Variants in PSEN1 observed in about 807,000 individuals in gnomAD.
PSEN1 encodes presenilin 1.
In PSEN1, 15 loss-of-function variants were observed where a neutral mutation model predicts 53.5. That is an observed-to-expected ratio of 0.28 (90% confidence interval 0.19 to 0.43). PSEN1 has a LOEUF of 0.43. PSEN1 is among the 20% of genes least tolerant of loss of function. PSEN1 has a pLI of 1.00. For missense variants in PSEN1, 387 were observed against 571.2 expected, an observed-to-expected ratio of 0.68 and a Z score of 3.29; for synonymous variants, 208 against 209.8, an observed-to-expected ratio of 0.99 and a Z score of 0.08.
chr14:73,210,223 C>A (rs1899623227), intron 9 of PSEN1, among the ~76,000 whole-genome samples: 2 of 152,140 alleles, frequency 1.3e-5, no homozygotes. Flanking sequence ...ATATAAAATT[C>A]ATCAGTGGAA....
Position 73,174,065 on chromosome 14 carries a change from A to G in PSEN1, c.480+358A>G, listed in dbSNP as rs549699559. The G allele has an allele frequency of 5.0e-5, 18 of 358,218 alleles. No individual in the cohort carries two copies. The South Asian group carries it at 1.1e-3, about 21-fold the overall frequency. 22.2% of individuals were successfully genotyped at this position (358,218 alleles called of 1,614,324 possible). On this transcript the variant is annotated intron_variant, in intron 5 of 11. Coordinates refer to ENST00000324501, the MANE Select transcript of PSEN1 (RefSeq NM_000021.4). Reference sequence around the variant, plus strand: ...TGTCATGAAAAAATTAGTGTAAAATATATATATTATGATTAGTTATCAAGA... The same window carrying G: ...TGTCATGAAAAAATTAGTGTAAAATGTATATATTATGATTAGTTATCAAGA...
chr14:73,212,774 T>C (rs1899755946), intron 10 of PSEN1, among the ~76,000 whole-genome samples: 1 of 152,222 alleles, frequency 6.6e-6, no homozygotes, highest in Non-Finnish European at 1.5e-5. Flanking sequence ...CTAAAGCCCT[T>C]TGGTTAGGGC....
chr14:73,198,805 T>G (rs907943538), intron 8 of PSEN1, among the ~76,000 whole-genome samples: 1 of 152,154 alleles, frequency 6.6e-6, no homozygotes, highest in Admixed American at 6.6e-5. Context: ...AGATAGGGTC[T>G]CACTCCCATC....
intron 8 of PSEN1, among the ~76,000 whole-genome samples, chr14:73,200,904 A>C (rs1375729429): frequency 6.6e-6 from 1 of 151,914 alleles, no homozygotes; most frequent in African/African-American, 2.4e-5. Flanking sequence ...TATAAAAATC[A>C]GCTGGGTGTG....
intron 5 of PSEN1, among the ~76,000 whole-genome samples, chr14:73,180,142 G>A (rs191630738): frequency 6.6e-6 from 1 of 152,038 alleles, no homozygotes. Flanking sequence ...ACGCCACCAT[G>A]CCTGGGTAAT....
chr14:73,139,550 A>G (rs953052183), intron 1 of PSEN1, among the ~76,000 whole-genome samples: 5 of 152,182 alleles, frequency 3.3e-5, no homozygotes, highest in East Asian at 1.9e-4. Context: ...ACTGCACTCC[A>G]GACTGGGCTA....
At chr14:73,191,109 G>A (rs193122053) in intron 6 of PSEN1, among the ~76,000 whole-genome samples, 4 of 152,156 alleles carry the variant, frequency 2.6e-5, no homozygotes, top group Admixed American at 2.6e-4. Flanking sequence ...AATTAAAATA[G>A]CATTTTCTTC....
In PSEN1 at chr14:73,168,374, CAAA is replaced by C. The variant is rs1484198573; in HGVS notation, c.88-2419_88-2417del. Reference sequence around the variant, plus strand: ...TGTCTCAAAAAAAAAAAAACAAAAACAAAAAAGATTTCAGCAGCTGGGAGAACA... The same window carrying C: ...TGTCTCAAAAAAAAAAAAACAAAAACAAAGATTTCAGCAGCTGGGAGAACA... On this transcript the variant is annotated intron_variant, in intron 3 of 11. Coordinates refer to ENST00000324501, the MANE Select transcript of PSEN1 (RefSeq NM_000021.4). 5 of 150,706 alleles carry C rather than the reference CAAA, an allele frequency of 3.3e-5. No individual in the cohort carries two copies. In the East Asian group the frequency reaches 9.7e-4, roughly 29 times the overall value. 9.3% of individuals were successfully genotyped at this position (150,706 alleles called of 1,614,324 possible).
chr14:73,147,453 C>T (rs142482786), intron 1 of PSEN1: 212 of 165,028 alleles, frequency 1.3e-3, no homozygotes, highest in African/African-American at 4.5e-3. Context: ...AAATTAAAAG[C>T]GCTAGACAAA....
intron 1 of PSEN1, chr14:73,137,060 G>A (rs1008190619): frequency 1.3e-5 from 2 of 153,376 alleles, no homozygotes; most frequent in African/African-American, 4.8e-5. Flanking sequence ...CTTTCTCCTT[G>A]GTCGGGACTG....
At chr14:73,200,146 A>G (rs1458304116) in intron 8 of PSEN1, among the ~76,000 whole-genome samples, 1 of 151,960 alleles carries the variant, frequency 6.6e-6, no homozygotes, top group Non-Finnish European at 1.5e-5. Flanking sequence ...ATCTTGTTTT[A>G]TTTTTTATTG....
chr14:73,214,349 G>C (rs1352834358), intron 10 of PSEN1, among the ~76,000 whole-genome samples: 1 of 152,062 alleles, frequency 6.6e-6, no homozygotes, highest in Admixed American at 6.6e-5. Flanking sequence ...CAACCAACAT[G>C]GAGAAACCCC....
At chr14:73,171,906 G>A (rs762961061) in intron 4 of PSEN1, among the ~76,000 whole-genome samples, 10 of 152,130 alleles carry the variant, frequency 6.6e-5, no homozygotes, top group Non-Finnish European at 1.5e-4. Flanking sequence ...CTCCTAACAC[G>A]ATTAAGTCCT....
chr14:73,177,236 GTATTTT>G (rs1898071847), intron 5 of PSEN1, among the ~76,000 whole-genome samples: 1 of 152,106 alleles, frequency 6.6e-6, no homozygotes, highest in African/African-American at 2.4e-5. Flanking sequence ...TTTTAATGTA[GTATTTT>G]TAGCCCAGAA....
intron 6 of PSEN1, among the ~76,000 whole-genome samples, chr14:73,188,174 G>A (rs1191744069): frequency 3.4e-4 from 52 of 150,732 alleles, no homozygotes; most frequent in Non-Finnish European, 1.5e-4. Flanking sequence ...TGATCCGCCC[G>A]CCTTGGCCTC....
intron 9 of PSEN1, among the ~76,000 whole-genome samples, chr14:73,207,854 A>G (rs1899516396): frequency 6.6e-6 from 1 of 152,204 alleles, no homozygotes; most frequent in Admixed American, 6.5e-5. Flanking sequence ...CAGCCACTGC[A>G]CACAGCCAGG....
intron 7 of PSEN1, 169 bp from the exon 8 acceptor site, chr14:73,197,861 CA>C: frequency 1.6e-6 from 1 of 608,854 alleles, no homozygotes. Context: ...TTGTCTCCCC[CA>C]CCCCCACCAG....
At chr14:73,162,515 TGA>T (rs914594151) in intron 3 of PSEN1, among the ~76,000 whole-genome samples, 1 of 147,160 alleles carries the variant, frequency 6.8e-6, no homozygotes, top group Non-Finnish European at 1.5e-5. Context: ...AGCGATTGAG[TGA>T]GAGAGAGAGC....
At chr14:73,192,105 T>TG (rs1016645456) in intron 6 of PSEN1, among the ~76,000 whole-genome samples, 9 of 151,832 alleles carry the variant, frequency 5.9e-5, no homozygotes, top group African/African-American at 2.2e-4. Flanking sequence ...AAGTTCAGCT[T>TG]GGGAAAAAAA....
Sources: gnomAD v4.1 joint callset for allele counts (sites outside exome capture counted in the v4.1 genomes callset) on GRCh38, gnomAD v4.1.1 for gene constraint, MANE v1.5 for transcripts, NCBI Gene and HGNC (gene_info 2026-07-23, HGNC 2026-07-21) for gene names.